The following RELN variants were observed in gnomAD, a reference collection of about 807,000 sequenced individuals.
The protein encoded by RELN is reelin.
RELN carries 108 observed loss-of-function variants against 427.6 expected under a neutral mutation model. The observed-to-expected ratio is 0.25, with a 90% CI of 0.22 to 0.30. The LOEUF (loss-of-function observed/expected upper bound fraction) is 0.30. Among genes scored for constraint, RELN ranks in the 10% least tolerant of loss-of-function variants. The probability of loss-of-function intolerance (pLI) is 1.00; values close to 1 mark genes in which losing one functional copy is unlikely to be tolerated. For missense variants in RELN, 3,715 were observed against 4,302.8 expected (o/e 0.86, Z 3.82); for synonymous variants, 1,524 against 1,513.4 (o/e 1.01, Z -0.16).
intron 8 of RELN, among the ~76,000 whole-genome samples, chr7:103,709,201 G>A (rs1258504604): frequency 6.6e-6 from 1 of 152,100 alleles, no homozygotes; most frequent in Non-Finnish European, 1.5e-5. Flanking sequence ...TATAGCCCCT[G>A]TCCACTATTA....
intron 6 of RELN, among the ~76,000 whole-genome samples, chr7:103,747,379 G>A (rs547102259): frequency 3.3e-5 from 5 of 151,824 alleles, no homozygotes; most frequent in African/African-American, 1.2e-4. Context: ...AAACCTGCAC[G>A]TTGTGCACAT....
chr7:103,872,360 A>G (rs1173889996), intron 2 of RELN, among the ~76,000 whole-genome samples: 1 of 139,016 alleles, frequency 7.2e-6, no homozygotes, highest in African/African-American at 2.5e-5. Flanking sequence ...GATGATTTCC[A>G]ATTTCATCCA....
At chr7:103,764,340 T>C (rs917421291) in intron 4 of RELN, among the ~76,000 whole-genome samples, 1 of 152,060 alleles carries the variant, frequency 6.6e-6, no homozygotes, top group African/African-American at 2.4e-5. Flanking sequence ...CTTTCCCTAT[T>C]TTACAGATGA....
intron 3 of RELN, among the ~76,000 whole-genome samples, chr7:103,815,844 T>C (rs1792856189): frequency 6.6e-6 from 1 of 152,250 alleles, no homozygotes; most frequent in Non-Finnish European, 1.5e-5. Flanking sequence ...TGAAAAGCTC[T>C]GTGTAAATGG....
At chr7:103,699,333 A>G (rs1043844171) in intron 9 of RELN, among the ~76,000 whole-genome samples, 2 of 152,164 alleles carry the variant, frequency 1.3e-5, no homozygotes, top group Non-Finnish European at 2.9e-5. Context: ...GGGGTAATCA[A>G]TTCTCTTTTC....
chr7:103,549,157 T>C (rs1337741663), intron 41 of RELN, among the ~76,000 whole-genome samples: 1 of 152,188 alleles, frequency 6.6e-6, no homozygotes, highest in African/African-American at 2.4e-5. Context: ...TTCAGGCTGC[T>C]GTAACAAAAT....
rs114501042 is a variant in RELN at position 103,497,907 on chromosome 7, G to A, written c.8863C>T (p.Arg2955Cys). 317 of 1,614,022 alleles carry A rather than the reference G, an allele frequency of 2.0e-4. 2 individuals carry two copies. In the East Asian group the frequency reaches 3.4e-3, roughly 17 times the overall value. ...GTCATGTTGTTCTCACTACCGATGCGCCCCCAGTATTGCAGGAACCTGAAT... is the reference window on the plus strand; with the variant it reads ...GTCATGTTGTTCTCACTACCGATGCACCCCCAGTATTGCAGGAACCTGAAT... Reference protein sequence around the residue: ...RGAKFLQYWGRIGSENNMTSC... With the variant: ...RGAKFLQYWGCIGSENNMTSC... The change falls in exon 55 of 65, where the codon CGC (arginine) becomes TGC (cysteine). Residue 2955 changes from arginine to cysteine, a missense_variant. This residue lies in a region of RELN where 1,310 missense variants were observed against 1,643.0 expected (regional missense o/e 0.80). Coordinates refer to ENST00000428762, the MANE Select transcript of RELN (RefSeq NM_005045.4).
chr7:103,960,295 T>A (rs1796522762), intron 1 of RELN, among the ~76,000 whole-genome samples: 1 of 152,196 alleles, frequency 6.6e-6, no homozygotes, highest in Non-Finnish European at 1.5e-5. Context: ...AGAGGCAGTT[T>A]CCTATATGTT....
chr7:103,476,568 A>G (rs1828040464), intron 64 of RELN, among the ~76,000 whole-genome samples: 1 of 152,168 alleles, frequency 6.6e-6, no homozygotes, highest in African/African-American at 2.4e-5. Context: ...AAATATAAAA[A>G]TCTTTTGAGT....
chr7:103,801,057 T>G (rs1792451448), intron 3 of RELN, among the ~76,000 whole-genome samples: 2 of 152,178 alleles, frequency 1.3e-5, no homozygotes, highest in South Asian at 4.2e-4. Context: ...GTTAGAATGG[T>G]GGTCACTAAA....
At chr7:103,920,577 T>G (rs7800740) in intron 1 of RELN, among the ~76,000 whole-genome samples, 3 of 111,924 alleles carry the variant, frequency 2.7e-5, no homozygotes, top group African/African-American at 8.9e-5. Flanking sequence ...GTTTTTTTTT[T>G]TGTTTTTTTT....
chr7:103,584,951 C>A (rs1489073345), intron 28 of RELN, among the ~76,000 whole-genome samples: 2 of 152,000 alleles, frequency 1.3e-5, no homozygotes, highest in East Asian at 1.9e-4. Flanking sequence ...AAACAACTTG[C>A]TCCTGACTGA....
rs200688586 is a variant in RELN, at chr7:103,907,244, C to T, written c.337+9831G>A. 1.5e-4 allele frequency among the ~76,000 whole-genome samples: 23 copies of T among 151,278 alleles called. No individual in the cohort carries two copies. In the East Asian group the frequency reaches 4.3e-3, roughly 28 times the overall value. ...CATCCTGGACAACGTGGTGAAACCC[C>T]ATCTCTACTAAAAACACAAAAATTA... On this transcript the variant is annotated intron_variant, in intron 2 of 64. Transcript: ENST00000428762.
chr7:103,523,279 A>G, intron 47 of RELN, 112 bp downstream of exon 47: 7 of 1,219,704 alleles, frequency 5.7e-6, no homozygotes, highest in South Asian at 1.3e-5. Flanking sequence ...TCAGAAAAAA[A>G]TGTATAACTT....
At chr7:103,907,415 GAAAAAAAAAAAAAA>G (rs941182837) in intron 2 of RELN, among the ~76,000 whole-genome samples, 1 of 44,080 alleles carries the variant, frequency 2.3e-5, no homozygotes, top group African/African-American at 8.8e-5. Context: ...CAAGGCTCTG[GAAAAAAAAAAAAAA>G]AAAAAAAAAA....
chr7:103,827,820 A>G (rs1259590285), intron 3 of RELN, among the ~76,000 whole-genome samples: 3 of 152,072 alleles, frequency 2.0e-5, no homozygotes, highest in African/African-American at 7.2e-5. Flanking sequence ...AGAAAAGAAA[A>G]AAAAGACGTG....
At position 103,984,201 on chromosome 7, in the gene RELN, A is replaced by G. The variant is rs185103920; in HGVS notation, c.226+4930T>C. 2.0e-3 allele frequency among the ~76,000 whole-genome samples: 298 copies of G among 152,190 alleles called. 2 individuals carry two copies. Among genetic ancestry groups the G allele is most frequent in the Non-Finnish European group, 3.4e-3 (230 of 67,982 alleles). Reference sequence around the variant, plus strand: ...CAGATTTTTAGATATTTTCTTTTGAATAAAACTAATCCATAAAAATTTGAA... The same window carrying G: ...CAGATTTTTAGATATTTTCTTTTGAGTAAAACTAATCCATAAAAATTTGAA... On this transcript the variant is annotated intron_variant, in intron 1 of 64. Coordinates refer to ENST00000428762, the MANE Select transcript of RELN (RefSeq NM_005045.4).
chr7:103,687,058 T>C (rs1833779850), intron 10 of RELN, among the ~76,000 whole-genome samples: 1 of 152,194 alleles, frequency 6.6e-6, no homozygotes, highest in Non-Finnish European at 1.5e-5. Flanking sequence ...ATTTCTGGAT[T>C]CATTAAACAC....
intron 2 of RELN, among the ~76,000 whole-genome samples, chr7:103,854,046 A>G (rs568343147): frequency 1.1e-3 from 171 of 152,316 alleles, no homozygotes; most frequent in Non-Finnish European, 2.1e-3. Context: ...TTAGATCACT[A>G]CACAGTGTAT....
Sources: allele counts gnomAD v4.1 joint callset (sites outside exome capture counted in the v4.1 genomes callset), GRCh38; gene constraint gnomAD v4.1.1; regional missense constraint gnomAD v4.1.1; transcripts MANE v1.5; gene names NCBI Gene and HGNC (gene_info 2026-07-23, HGNC 2026-07-21).